Variants in LETM1 observed in about 807,000 individuals in gnomAD.
LETM1 encodes the protein leucine zipper and EF-hand containing transmembrane protein 1.
In LETM1, 50 loss-of-function variants were observed where a neutral mutation model predicts 74.5. The ratio of observed to expected loss-of-function variants is 0.67; its 90% CI spans 0.53 to 0.85. LETM1 has a LOEUF of 0.85. Among genes scored for constraint, LETM1 ranks in the 40% least tolerant of loss-of-function variants. LETM1 has a pLI of 0.00. For missense variants in LETM1, 824 were observed against 967.8 expected (o/e 0.85, Z 1.97); for synonymous variants, 446 against 407.1 (o/e 1.10, Z -1.15).
chr4:1,827,837 G>A (rs1169101025), intron 6 of LETM1, among the ~76,000 whole-genome samples: 3 of 151,242 alleles, frequency 2.0e-5, no homozygotes, highest in South Asian at 4.2e-4. Flanking sequence ...GCCGGGCAGA[G>A]GGGCTCCTCA....
rs1390094157 is a variant in LETM1 at position 1,836,863 on chromosome 4, A to G, written c.595-291T>C. On this transcript the variant is annotated intron_variant, in intron 3 of 13. Coordinates refer to ENST00000302787, the MANE Select transcript of LETM1 (RefSeq NM_012318.3). This position sits in a 1 kb window ranked among gnomAD's most constrained non-coding sequence, Gnocchi z 5.8. The stretch of plus-strand genomic sequence containing the variant: ...GAGTCCTCCGAGGACACCGGCCAGC[A>G]CTCTGGGCTCGGGGGCCAGCAAGTG... Among the ~76,000 whole-genome samples the G allele has an allele frequency of 1.3e-5, 2 of 151,976 alleles. No individual in the cohort carries two copies. The highest frequency in any genetic ancestry group is 4.8e-5 in the African/African-American group (2 of 41,372).
At chr4:1,840,196 G>A (rs867802771) in intron 3 of LETM1, among the ~76,000 whole-genome samples, 26 of 152,248 alleles carry the variant, frequency 1.7e-4, no homozygotes, top group African/African-American at 6.0e-4. Flanking sequence ...TGGCCAACGC[G>A]GTGAAACCCC....
At chr4:1,826,303 C>T (rs1158206996) in intron 6 of LETM1, among the ~76,000 whole-genome samples, 1 of 152,250 alleles carries the variant, frequency 6.6e-6, no homozygotes, top group African/African-American at 2.4e-5. Context: ...GTTCACTCCA[C>T]ATCACAACCA....
At chr4:1,844,720 C>G (rs1712818807) in intron 2 of LETM1, among the ~76,000 whole-genome samples, 1 of 151,232 alleles carries the variant, frequency 6.6e-6, no homozygotes, top group African/African-American at 2.4e-5. Flanking sequence ...TGCACTCCAG[C>G]CTAGGTGACA....
At chr4:1,823,843 C>A in intron 7 of LETM1, 68 bp from the exon 8 acceptor site, 1 of 1,514,760 alleles carries the variant, frequency 6.6e-7, no homozygotes. Context: ...GCAGGTCCGC[C>A]CATCTCATCA....
chr4:1,825,879 G>T (rs1440206428), intron 6 of LETM1, among the ~76,000 whole-genome samples, 196 bp from the exon 7 acceptor site: 1 of 151,994 alleles, frequency 6.6e-6, no homozygotes, highest in African/African-American at 2.4e-5. Flanking sequence ...AGTGCAGAAC[G>T]GCCACGGTCA....
rs1242641908 is a variant in LETM1, at chr4:1,819,302, T to G, written c.1743+36A>C. On this transcript the variant is annotated intron_variant, in intron 11 of 13. Coordinates refer to ENST00000302787, the MANE Select transcript of LETM1 (RefSeq NM_012318.3). ...GCCAGTACAGCGATTTTACTCTTCTTGCAGTCTCAGAGTCCAGGGAGCAAA... is the reference window on the plus strand; with the variant it reads ...GCCAGTACAGCGATTTTACTCTTCTGGCAGTCTCAGAGTCCAGGGAGCAAA... 5 of 1,578,194 alleles carry G rather than the reference T, an allele frequency of 3.2e-6. No homozygotes were observed. The South Asian group carries it at 5.8e-5, about 18-fold the overall frequency.
At position 1,816,721 on chromosome 4, in the gene LETM1, A is replaced by G; in HGVS notation, c.1931+6T>C. 6.2e-6 allele frequency: 10 copies of G among 1,611,822 alleles called. No individual in the cohort carries two copies. Among genetic ancestry groups the G allele is most frequent in the Non-Finnish European group, 8.5e-6 (10 of 1,178,448 alleles). ...ATCCCTCTCCCGCGCCCACCACCCCACTCACCCCGTGGGCATGCCGTTGGC... is the reference window on the plus strand; with the variant it reads ...ATCCCTCTCCCGCGCCCACCACCCCGCTCACCCCGTGGGCATGCCGTTGGC... On this transcript the variant is annotated splice_donor_region_variant and intron_variant, in intron 12 of 13. Transcript: ENST00000302787.
intron 11 of LETM1, among the ~76,000 whole-genome samples, chr4:1,819,043 C>T (rs1348884191): frequency 6.7e-6 from 1 of 150,294 alleles, no homozygotes; most frequent in East Asian, 1.9e-4. Context: ...GAAATTGTGC[C>T]ACTGCACTCT....
intron 3 of LETM1, among the ~76,000 whole-genome samples, chr4:1,840,986 C>T (rs1472829920): frequency 6.6e-6 from 1 of 152,108 alleles, no homozygotes; most frequent in Non-Finnish European, 1.5e-5. Flanking sequence ...TAGGTTTTAC[C>T]GATTTTTATT....
chr4:1,821,406 T>C (rs1711770320), intron 10 of LETM1, among the ~76,000 whole-genome samples: 1 of 150,874 alleles, frequency 6.6e-6, no homozygotes, highest in Non-Finnish European at 1.5e-5. Context: ...TTTTTTTTTA[T>C]GGCTGGGTGT....
At chr4:1,844,800 C>G (rs1175480132) in intron 2 of LETM1, among the ~76,000 whole-genome samples, 2 of 149,694 alleles carry the variant, frequency 1.3e-5, no homozygotes, top group African/African-American at 4.9e-5. Flanking sequence ...GTAATCCCAG[C>G]ACTGCACGAG....
rs781321272 is a variant in LETM1, at chr4:1,814,408, G to GC, written c.*15dup. ...GTGACGGCACAGCAGGAGGACAGGT[G>GC]CCCAGGCCAGTGGTTCTAGCTCTTC... is the stretch of plus-strand genomic sequence containing the variant. On this transcript the variant is annotated 3_prime_UTR_variant, in exon 14 of 14. Coordinates refer to ENST00000302787, the MANE Select transcript of LETM1 (RefSeq NM_012318.3). The GC allele has an allele frequency of 6.2e-7, 1 of 1,614,234 alleles. No homozygotes were observed. The highest frequency in any genetic ancestry group is 8.5e-7 in the Non-Finnish European group (1 of 1,180,016).
chr4:1,829,026 TG>T (rs1231089029), intron 6 of LETM1, among the ~76,000 whole-genome samples: 2 of 81,758 alleles, frequency 2.4e-5, no homozygotes, highest in East Asian at 4.8e-4. Context: ...ACGGGGCGGC[TG>T]GCCGGGCGGG....
intron 10 of LETM1, among the ~76,000 whole-genome samples, chr4:1,821,392 A>C (rs1298983624): frequency 6.6e-6 from 1 of 151,022 alleles, no homozygotes; most frequent in East Asian, 2.1e-4. Flanking sequence ...GCGCCTGGCC[A>C]AATTTTTTTT....
In LETM1 at chr4:1,841,693, A is replaced by G. The variant is rs761924755; in HGVS notation, c.248T>C (p.Val83Ala). 6 of 1,614,060 alleles carry G rather than the reference A, an allele frequency of 3.7e-6. No individual in the cohort carries two copies. The African/African-American group carries it at 4.0e-5, about 11-fold the overall frequency. ...GGTAGAGGTCCATGGCGCTCTCGAC[A>G]CTATGCGAAGGCACTCGGGCCTCAG... Reference protein sequence around the residue: ...WALRPECLRIVSRAPWTSTSV... With the variant: ...WALRPECLRIASRAPWTSTSV... The change falls in exon 3 of 14, where the codon GTG (valine) becomes GCG (alanine). Residue 83 changes from valine (V) to alanine (A), a missense_variant. Physicochemically the swap from Val to Ala is moderately conservative, Grantham distance 64. This residue lies in a region of LETM1 where 222 missense variants were observed against 195.6 expected (regional missense o/e 1.14). Coordinates refer to ENST00000302787, the MANE Select transcript of LETM1 (RefSeq NM_012318.3).
At chr4:1,826,289 C>CA (rs1407048957) in intron 6 of LETM1, among the ~76,000 whole-genome samples, 2 of 152,252 alleles carry the variant, frequency 1.3e-5, no homozygotes, top group African/African-American at 2.4e-5. Flanking sequence ...CCCCCCATCT[C>CA]AGAGTTCACT....
At position 1,849,206 on chromosome 4, in the gene LETM1, C is replaced by A; in HGVS notation, c.86G>T (p.Ser29Ile). The change falls in exon 2 of 14, where the codon AGT becomes ATT. Residue 29 changes from serine to isoleucine, a missense_variant. By Grantham distance (142) the Ser-to-Ile change is moderately radical. Around this residue, in one of 4 missense-constraint regions of LETM1, gnomAD observed 222 missense variants for 195.6 expected, o/e 1.14. Transcript: ENST00000302787. ...GCTGAGATGAGCAGGATCCCCTGGA[C>A]TACCTGTAACAGGAACAGGGGAAAA... ...PPPRYTVPRGSPGDPAHLSCA... is the reference protein window; with the variant it reads ...PPPRYTVPRGIPGDPAHLSCA... 1 of 1,610,610 alleles carries A rather than the reference C, an allele frequency of 6.2e-7. No homozygotes were observed. Among genetic ancestry groups the A allele is most frequent in the Non-Finnish European group, 8.5e-7 (1 of 1,176,894 alleles).
chr4:1,841,516 C>T lies in LETM1; in HGVS notation c.425G>A (p.Ser142Asn). The T allele has an allele frequency of 6.2e-7, 1 of 1,614,238 alleles. No homozygotes were observed. Among genetic ancestry groups the T allele is most frequent in the Non-Finnish European group, 8.5e-7 (1 of 1,180,044 alleles). ...KKLEEGGPVY[S>N]PPAEVVVKKS... ...CTTCACCACCACCTCTGCGGGGGGG[C>T]TGTACACCGGGCCGCCTTCCTCCAG... The change falls in exon 3 of 14, where the codon AGC becomes AAC. Residue 142 changes from serine to asparagine, a missense_variant. By Grantham distance (46) the Ser-to-Asn change is conservative. Around this residue, in one of 4 missense-constraint regions of LETM1, gnomAD observed 222 missense variants for 195.6 expected, o/e 1.14. Transcript: ENST00000302787.
Sources: allele counts gnomAD v4.1 joint callset (sites outside exome capture counted in the v4.1 genomes callset), GRCh38; gene constraint gnomAD v4.1.1; regional missense constraint gnomAD v4.1.1; non-coding constraint Gnocchi (gnomAD v3.1); transcripts MANE v1.5; gene names NCBI Gene and HGNC (gene_info 2026-07-23, HGNC 2026-07-21).